Variants in ANTXR1 observed in about 807,000 individuals in gnomAD.
ANTXR1 encodes anthrax toxin receptor 1.
In ANTXR1, 19 loss-of-function variants were observed where a neutral mutation model predicts 78.1. The ratio of observed to expected loss-of-function variants is 0.24; its 90% CI spans 0.17 to 0.36. ANTXR1 has a LOEUF of 0.36. Among genes scored for constraint, ANTXR1 ranks in the 10% least tolerant of loss-of-function variants. The probability of loss-of-function intolerance (pLI) is 1.00; values close to 1 mark genes in which losing one functional copy is unlikely to be tolerated. For missense variants in ANTXR1, 518 were observed against 718.6 expected, an observed-to-expected ratio of 0.72 and a Z score of 3.19; for synonymous variants, 273 against 260.5, an observed-to-expected ratio of 1.05 and a Z score of -0.46.
intron 13 of ANTXR1, among the ~76,000 whole-genome samples, chr2:69,158,393 C>G (rs891665133): frequency 2.0e-5 from 3 of 152,208 alleles, no homozygotes; most frequent in African/African-American, 7.2e-5. Flanking sequence ...TCAGTAGCAT[C>G]CTGCACACCT....
At chr2:69,237,353 G>A (rs1056347657) in intron 17 of ANTXR1, among the ~76,000 whole-genome samples, 4 of 152,204 alleles carry the variant, frequency 2.6e-5, no homozygotes, top group African/African-American at 9.6e-5. Context: ...AGTTTTAAGT[G>A]GAGAAAAGGG....
chr2:69,134,590 TG>T (rs772404394), intron 12 of ANTXR1, among the ~76,000 whole-genome samples: 1 of 152,184 alleles, frequency 6.6e-6, no homozygotes, highest in Non-Finnish European at 1.5e-5. Context: ...GCTGAGAGGC[TG>T]TGACTGTAGA....
chr2:69,216,852 C>A (rs1182935540), intron 17 of ANTXR1, among the ~76,000 whole-genome samples: 2 of 152,196 alleles, frequency 1.3e-5, no homozygotes, highest in Admixed American at 1.3e-4. Context: ...ATTCTTGACC[C>A]GTGTTTGGCA....
intron 12 of ANTXR1, among the ~76,000 whole-genome samples, chr2:69,128,274 A>G (rs140749480): frequency 1.8e-3 from 271 of 152,240 alleles, no homozygotes; most frequent in Non-Finnish European, 3.2e-3. Flanking sequence ...TAATTTCCCA[A>G]TCGATAAAAC....
chr2:69,080,733 G>C (rs1047987203), intron 8 of ANTXR1, among the ~76,000 whole-genome samples: 6 of 152,190 alleles, frequency 3.9e-5, no homozygotes, highest in Non-Finnish European at 4.4e-5. Flanking sequence ...ATGAGATTAA[G>C]AGTAAAAGGG....
At chr2:69,036,562 A>G (rs1408717577) in intron 1 of ANTXR1, among the ~76,000 whole-genome samples, 1 of 152,186 alleles carries the variant, frequency 6.6e-6, no homozygotes, top group Non-Finnish European at 1.5e-5. Flanking sequence ...GAAATTGGAC[A>G]TGGGATAAAG....
intron 1 of ANTXR1, among the ~76,000 whole-genome samples, chr2:69,028,560 ATTTTC>A (rs1419402120): frequency 1.3e-5 from 2 of 152,208 alleles, no homozygotes; most frequent in Non-Finnish European, 2.9e-5. Flanking sequence ...GAATGGGATA[ATTTTC>A]TTCAGGAAAT....
chr2:69,202,001 C>T (rs574414424), intron 17 of ANTXR1, among the ~76,000 whole-genome samples: 18 of 152,134 alleles, frequency 1.2e-4, no homozygotes, highest in Non-Finnish European at 2.4e-4. Context: ...CTAGACACCT[C>T]GCATGCCTCA....
At position 69,040,125 on chromosome 2, in the gene ANTXR1, A is replaced by G. The variant is rs753209973; in HGVS notation, c.224+10A>G. On this transcript the variant is annotated intron_variant, in intron 2 of 17. Coordinates refer to ENST00000303714, the MANE Select transcript of ANTXR1 (RefSeq NM_032208.3). ...CTCACAAATTCATCAGGTGAGAAAC[A>G]CTATGCATTTTGTTCACTTGTAGTT... 9.9e-6 allele frequency: 16 copies of G among 1,611,650 alleles called. No individual in the cohort carries two copies. In the South Asian group the frequency reaches 1.3e-4, roughly 13 times the overall value.
intron 1 of ANTXR1, among the ~76,000 whole-genome samples, chr2:69,020,323 G>T (rs1671147694): frequency 6.6e-6 from 1 of 152,198 alleles, no homozygotes; most frequent in African/African-American, 2.4e-5. Flanking sequence ...GGCCAGGCAA[G>T]AGTTGGTAGA....
chr2:69,162,468 G>A (rs887610621), intron 13 of ANTXR1, among the ~76,000 whole-genome samples: 4 of 152,166 alleles, frequency 2.6e-5, no homozygotes, highest in African/African-American at 7.2e-5. Context: ...CTGAGAAAAA[G>A]TTTGGAAATG....
Position 69,092,496 on chromosome 2 carries a change from G to A in ANTXR1, c.703+1577G>A, listed in dbSNP as rs1044331031. On this transcript the variant is annotated intron_variant, in intron 9 of 17. Transcript: ENST00000303714. ...ATACATAAATGCATACCTACATAAA[G>A]TTGTTAGCAAAATACTTGGTAACTA... Among the ~76,000 whole-genome samples, 4 of 152,170 alleles carry A rather than the reference G, an allele frequency of 2.6e-5. No individual in the cohort carries two copies. The East Asian group carries it at 7.7e-4, about 29-fold the overall frequency.
chr2:69,147,533 C>T (rs1673261901), intron 12 of ANTXR1, among the ~76,000 whole-genome samples: 1 of 152,220 alleles, frequency 6.6e-6, no homozygotes, highest in Non-Finnish European at 1.5e-5. Context: ...TGTAAGTGAA[C>T]TGCTTCTGTC....
At chr2:69,072,107 G>A (rs1343826642) in intron 5 of ANTXR1, among the ~76,000 whole-genome samples, 2 of 152,032 alleles carry the variant, frequency 1.3e-5, no homozygotes, top group African/African-American at 4.8e-5. Flanking sequence ...GTAAAGTCTT[G>A]GATTTTTATG....
In ANTXR1 at chr2:69,240,414, T is replaced by C. The variant is rs577282351; in HGVS notation, c.1435-4811T>C. On this transcript the variant is annotated intron_variant, in intron 17 of 17. Transcript: ENST00000303714. The stretch of plus-strand genomic sequence containing the variant: ...GTGGAGGGCATAGGGTGGACCAAGC[T>C]GGACATCTTGCAAGAAAAGAGTAAG... 5.3e-5 allele frequency among the ~76,000 whole-genome samples: 8 copies of C among 152,344 alleles called. No homozygotes were observed. In the East Asian group the frequency reaches 1.3e-3, roughly 26 times the overall value.
intron 9 of ANTXR1, among the ~76,000 whole-genome samples, chr2:69,096,871 C>A (rs1292747763): frequency 1.3e-5 from 2 of 152,172 alleles, no homozygotes; most frequent in Non-Finnish European, 2.9e-5. Context: ...TCCATTGTCA[C>A]CCCAGTACCC....
intron 10 of ANTXR1, among the ~76,000 whole-genome samples, chr2:69,111,205 T>C (rs1671968552): frequency 6.6e-6 from 1 of 152,228 alleles, no homozygotes. Flanking sequence ...GAAAATATCT[T>C]GGAAATCTTC....
chr2:69,035,125 C>G (rs547400277), intron 1 of ANTXR1, among the ~76,000 whole-genome samples: 22 of 152,030 alleles, frequency 1.4e-4, no homozygotes, highest in Non-Finnish European at 2.6e-4. Flanking sequence ...AGTCATAGAC[C>G]CAGCAAATTC....
chr2:69,013,322 G>A lies in ANTXR1; in HGVS notation c.-178G>A. 1 of 817,992 alleles carries A rather than the reference G, an allele frequency of 1.2e-6. No individual in the cohort carries two copies. The highest frequency in any genetic ancestry group is 1.9e-6 in the Non-Finnish European group (1 of 514,296). The allele number at this position is 817,992 out of a possible 1,614,324, so 50.7% of individuals were successfully genotyped here. A position where few individuals can be genotyped will look rare whatever the true frequency, so the allele number is the denominator to read the frequency against. ...CGAAACCCAGAAACAGCATCGGAGCGGAAACCAGAGGGGAAACCTTGAACT... is the reference window on the plus strand; with the variant it reads ...CGAAACCCAGAAACAGCATCGGAGCAGAAACCAGAGGGGAAACCTTGAACT... On this transcript the variant is annotated 5_prime_UTR_variant, in exon 1 of 18. Coordinates refer to ENST00000303714, the MANE Select transcript of ANTXR1 (RefSeq NM_032208.3). This position sits in a 1 kb window ranked among gnomAD's most constrained non-coding sequence, Gnocchi z 5.0.
Sources: allele counts gnomAD v4.1 joint callset (sites outside exome capture counted in the v4.1 genomes callset), GRCh38; gene constraint gnomAD v4.1.1; non-coding constraint Gnocchi (gnomAD v3.1); transcripts MANE v1.5; gene names NCBI Gene and HGNC (gene_info 2026-07-23, HGNC 2026-07-21).